DCLRE1B: variants seen among roughly 807,000 people sequenced by gnomAD.
The protein encoded by DCLRE1B is DNA cross-link repair 1B, also known as 5' exonuclease Apollo.
Under a neutral mutation model 19.8 loss-of-function variants are expected in DCLRE1B, and 6 were observed. That is an observed-to-expected ratio of 0.30 (90% CI 0.17 to 0.60). The LOEUF is 0.60. Ranked by LOEUF, DCLRE1B falls within the 20% of genes least tolerant of loss-of-function variation. The pLI is 0.87. For synonymous variants in DCLRE1B, 258 were observed against 255.7 expected (o/e 1.01, Z -0.09); for missense variants, 622 against 654.2 (o/e 0.95, Z 0.54).
In DCLRE1B at chr1:113,912,306, A is replaced by AGT. The variant is rs1427726257; in HGVS notation, c.*115_*116insGT. ...GGGCCTACTTTTCTATCTTTACAAG[A>AGT]CTCTTATGGGCCCACCGTGGAGCAG... On this transcript the variant is annotated 3_prime_UTR_variant, in exon 4 of 4. Coordinates refer to ENST00000650450, the MANE Select transcript of DCLRE1B (RefSeq NM_022836.4). 4 of 1,101,234 alleles carry AGT rather than the reference A, an allele frequency of 3.6e-6. No homozygotes were observed. The African/African-American group carries it at 6.3e-5, about 17-fold the overall frequency. The allele number at this position is 1,101,234 out of a possible 1,614,324, so 68.2% of individuals were successfully genotyped here.
chr1:113,904,962 G>A (rs1668800753), upstream of DCLRE1B: 5 of 494,662 alleles, frequency 1.0e-5, 1 homozygote, highest in Admixed American at 9.8e-5. Flanking sequence ...CAGGCCGTTC[G>A]CCCCGCCCAC....
intron 3 of DCLRE1B, among the ~76,000 whole-genome samples, chr1:113,909,233 C>T (rs982500928): frequency 5.9e-5 from 9 of 152,146 alleles, no homozygotes; most frequent in African/African-American, 1.4e-4. Flanking sequence ...TTTAAGTGAG[C>T]GTTGTGCTTT....
rs762667125 is a variant in DCLRE1B, at chr1:113,912,217, A to G, written c.*26A>G. The G allele has an allele frequency of 9.6e-6, 15 of 1,568,252 alleles. No individual in the cohort carries two copies. The Admixed American group carries it at 2.2e-4, about 23-fold the overall frequency. ...AGACAGGAGAGTACAGAATGACAAC[A>G]TTGAGCCCACACTGCAGTTTTGAAG... On this transcript the variant is annotated 3_prime_UTR_variant, in exon 4 of 4. Coordinates refer to ENST00000650450, the MANE Select transcript of DCLRE1B (RefSeq NM_022836.4).
chr1:113,911,233 T>C lies in DCLRE1B; in HGVS notation c.641T>C (p.Leu214Pro). The change falls in exon 4 of 4, where the codon CTG becomes CCG. Residue 214 changes from leucine (L) to proline (P), a missense_variant. Transcript: ENST00000650450. ...SPRRLELVQL[L>P]GLADVFTVEE... The stretch of plus-strand genomic sequence containing the variant: ...CGGCGCCTGGAGTTGGTACAGCTAC[T>C]GGGCCTGGCAGATGTGTTCACAGTG... The C allele has an allele frequency of 6.2e-7, 1 of 1,614,192 alleles. No homozygotes were observed. The highest frequency in any genetic ancestry group is 2.2e-5 in the East Asian group (1 of 44,884).
At chr1:113,907,201 G>GTT in intron 2 of DCLRE1B, 40 bp downstream of exon 2, 1 of 245,262 alleles carries the variant, frequency 4.1e-6, no homozygotes, top group Non-Finnish European at 6.6e-6. Flanking sequence ...CTCCAGACTA[G>GTT]ATGTTTTTTT....
chr1:113,907,047 C>A lies in DCLRE1B; in HGVS notation c.241C>A (p.Pro81Thr), dbSNP rs774809928. The change falls in exon 2 of 4, where the codon CCC (proline) becomes ACC (threonine). Residue 81 changes from proline to threonine, a missense_variant. Physicochemically the swap from Pro to Thr is conservative, Grantham distance 38. Around this residue, in one of 3 missense-constraint regions of DCLRE1B, gnomAD observed 237 missense variants for 223.8 expected, o/e 1.06. Coordinates refer to ENST00000650450, the MANE Select transcript of DCLRE1B (RefSeq NM_022836.4). Reference sequence around the variant, plus strand: ...GGAGGTTGGTGAGAGCCATGTATTACCCCTAGATGAAATTGGACAAGAGAC... The same window carrying A: ...GGAGGTTGGTGAGAGCCATGTATTAACCCTAGATGAAATTGGACAAGAGAC... ...ALEVGESHVL[P>T]LDEIGQETMT... 1.2e-6 allele frequency: 2 copies of A among 1,613,932 alleles called. No individual in the cohort carries two copies. Among genetic ancestry groups the A allele is most frequent in the Non-Finnish European group, 8.5e-7 (1 of 1,179,994 alleles).
upstream of DCLRE1B, chr1:113,905,177 G>T (rs1273962200): frequency 2.9e-6 from 1 of 341,144 alleles, no homozygotes; most frequent in Non-Finnish European, 5.6e-6. Context: ...CCCCGCGAGC[G>T]AGCGCTAAGC....
intron 3 of DCLRE1B, among the ~76,000 whole-genome samples, chr1:113,910,144 A>C (rs1669200304): frequency 1.3e-5 from 2 of 152,192 alleles, no homozygotes; most frequent in African/African-American, 4.8e-5. Flanking sequence ...CCTGGCAGTC[A>C]AATAATATTA....
At chr1:113,907,202 ATGTTTT>A (rs2101068298) in intron 2 of DCLRE1B, 41 bp downstream of exon 2, 94 of 203,112 alleles carry the variant, frequency 4.6e-4, no homozygotes, top group Non-Finnish European at 6.1e-4. Context: ...TCCAGACTAG[ATGTTTT>A]TTTTTTTTTT....
chr1:113,905,237 C>T (rs1411302866), upstream of DCLRE1B: 8 of 353,686 alleles, frequency 2.3e-5, no homozygotes, highest in Non-Finnish European at 3.2e-5. Flanking sequence ...CTCTCACTCT[C>T]CAGGCGCAGC....
chr1:113,904,700 G>A (rs11548071), upstream of DCLRE1B: 4 of 1,612,446 alleles, frequency 2.5e-6, no homozygotes, highest in Non-Finnish European at 3.4e-6. Flanking sequence ...CCACGTCCTC[G>A]GAGCCAAGGT....
chr1:113,904,958 G>A, upstream of DCLRE1B: 1 of 496,976 alleles, frequency 2.0e-6, no homozygotes, highest in Non-Finnish European at 3.7e-6. Flanking sequence ...CCGGCAGGCC[G>A]TTCGCCCCGC....
rs1219540764 is a variant in DCLRE1B at position 113,905,786 on chromosome 1, G to T, written c.189+11G>T. 1.9e-6 allele frequency: 3 copies of T among 1,603,286 alleles called. No homozygotes were observed. In the Admixed American group the frequency reaches 5.1e-5, roughly 27 times the overall value. ...CATCGTCACCTACAGGTATGGGGCT[G>T]GAGTCGGTCTCCGAGAGCTGGTCCA... On this transcript the variant is annotated intron_variant, in intron 1 of 3. Transcript: ENST00000650450.
chr1:113,907,054 A>G lies in DCLRE1B; in HGVS notation c.248A>G (p.Asp83Gly), dbSNP rs773744466. 14 of 1,613,930 alleles carry G rather than the reference A, an allele frequency of 8.7e-6. No homozygotes were observed. In the South Asian group the frequency reaches 1.2e-4, roughly 14 times the overall value. Residue 83 changes from aspartate (D) to glycine (G), a missense_variant, in exon 2 of 4, where the codon GAT becomes GGT. Asp to Gly is a moderately conservative substitution (Grantham distance 94). Coordinates refer to ENST00000650450, the MANE Select transcript of DCLRE1B (RefSeq NM_022836.4). ...GGTGAGAGCCATGTATTACCCCTAGATGAAATTGGACAAGAGACCATGACC... is the reference window on the plus strand; with the variant it reads ...GGTGAGAGCCATGTATTACCCCTAGGTGAAATTGGACAAGAGACCATGACC... ...EVGESHVLPL[D>G]EIGQETMTVT...
chr1:113,907,531 G>A (rs987796310), intron 2 of DCLRE1B, among the ~76,000 whole-genome samples: 4 of 151,874 alleles, frequency 2.6e-5, no homozygotes, highest in African/African-American at 7.3e-5. Context: ...GTGCAGTGGC[G>A]TGATTGTGGC....
At chr1:113,906,325 T>C (rs1668961643) in intron 1 of DCLRE1B, among the ~76,000 whole-genome samples, 2 of 151,992 alleles carry the variant, frequency 1.3e-5, no homozygotes, top group African/African-American at 2.4e-5. Flanking sequence ...CCCCAAGTGC[T>C]GGGATTACAA....
At position 113,913,619 on chromosome 1, in the gene DCLRE1B, C is replaced by T. The variant is rs185040335; in HGVS notation, c.*1428C>T. On this transcript the variant is annotated 3_prime_UTR_variant, in exon 4 of 4. Transcript: ENST00000650450. ...TGTAAGATGGACTTGAGATTCCTAC[C>T]TCTCATGATTACTATGGAGATTGAA... 8.6e-4 allele frequency: 131 copies of T among 152,780 alleles called. 1 individual carries two copies. Among genetic ancestry groups the T allele is most frequent in the Non-Finnish European group, 1.4e-3 (98 of 68,030 alleles). 9.5% of individuals were successfully genotyped at this position (152,780 alleles called of 1,614,324 possible). A position where few individuals can be genotyped will look rare whatever the true frequency, so the allele number is the denominator to read the frequency against.
intron 3 of DCLRE1B, among the ~76,000 whole-genome samples, chr1:113,909,148 A>G (rs1027155382): frequency 1.3e-5 from 2 of 152,212 alleles, no homozygotes; most frequent in Non-Finnish European, 2.9e-5. Flanking sequence ...TTATGGGTGT[A>G]TCACAAATGC....
intron 1 of DCLRE1B, 21 bp downstream of exon 1, chr1:113,905,796 TC>T: frequency 1.3e-6 from 2 of 1,595,990 alleles, no homozygotes; most frequent in South Asian, 2.2e-5. Flanking sequence ...GGAGTCGGTC[TC>T]CGAGAGCTGG....
Sources: gnomAD v4.1 joint callset for allele counts (sites outside exome capture counted in the v4.1 genomes callset) on GRCh38, gnomAD v4.1.1 for gene constraint, gnomAD v4.1.1 regional missense constraint, MANE v1.5 for transcripts, NCBI Gene and HGNC (gene_info 2026-07-23, HGNC 2026-07-21) for gene names.